The following LVRN variants were observed in gnomAD, a reference collection of about 807,000 sequenced individuals.
LVRN encodes the protein aminopeptidase Q.
A neutral mutation model predicts 111.4 loss-of-function variants in LVRN; 99 were observed. That is an observed-to-expected ratio of 0.89 (90% CI 0.76 to 1.05). LVRN has a LOEUF of 1.05. LVRN is among the 50% of genes least tolerant of loss of function. The probability of loss-of-function intolerance (pLI) is 0.00; values close to 1 mark genes in which losing one functional copy is unlikely to be tolerated. For missense variants in LVRN, 1,414 were observed against 1,206.8 expected (o/e 1.17, Z -2.54); for synonymous variants, 488 against 449.5 (o/e 1.09, Z -1.08).
chr5:116,001,947 C>A (rs1180041721), intron 10 of LVRN, among the ~76,000 whole-genome samples: 1 of 152,184 alleles, frequency 6.6e-6, no homozygotes, highest in East Asian at 1.9e-4. Flanking sequence ...TCTTCCCTTT[C>A]TTAATCTATT....
chr5:116,022,973 A>G (rs964755522), intron 19 of LVRN, among the ~76,000 whole-genome samples: 3 of 152,162 alleles, frequency 2.0e-5, no homozygotes, highest in Admixed American at 2.0e-4. Context: ...ACCACTTACA[A>G]ATTTTCTTGA....
intron 3 of LVRN, among the ~76,000 whole-genome samples, chr5:115,986,228 G>A (rs1747861835): frequency 6.6e-6 from 1 of 152,074 alleles, no homozygotes; most frequent in Admixed American, 6.6e-5. Context: ...ATATAACACT[G>A]GCCAAGTTAA....
At chr5:115,988,032 T>A in intron 4 of LVRN, 93 bp downstream of exon 4, 2 of 1,467,722 alleles carry the variant, frequency 1.4e-6, no homozygotes, top group Non-Finnish European at 1.8e-6. Flanking sequence ...CCATAAGGAT[T>A]CACCATCACC....
At position 116,000,306 on chromosome 5, in the gene LVRN, C is replaced by A. The variant is rs111285190; in HGVS notation, c.1516-127C>A. ...TTTGTTAGCACATTCCAAAATAATT[C>A]AAACATTCAACTAAAATGCAAAATG... On this transcript the variant is annotated intron_variant, in intron 7 of 19. Coordinates refer to ENST00000357872, the MANE Select transcript of LVRN (RefSeq NM_173800.5). 2.8e-5 allele frequency: 37 copies of A among 1,309,248 alleles called. No individual in the cohort carries two copies. In the African/African-American group the frequency reaches 3.2e-4, roughly 11 times the overall value. The allele number at this position is 1,309,248 out of a possible 1,614,324, so 81.1% of individuals were successfully genotyped here.
At chr5:116,022,535 C>T in intron 19 of LVRN, 69 bp downstream of exon 19, 1 of 1,057,272 alleles carries the variant, frequency 9.5e-7, no homozygotes, top group Non-Finnish European at 1.4e-6. Flanking sequence ...TTTGGACTTG[C>T]TAAAATTAAA....
Position 116,022,054 on chromosome 5 carries a change from T to A in LVRN, c.2757-337T>A, listed in dbSNP as rs1334487229. On this transcript the variant is annotated intron_variant, in intron 18 of 19. Transcript: ENST00000357872. ...ATGAACTACTGTTTTTTAAGGGGCATAATTTATATATTTATTTATTCCCTT... is the reference window on the plus strand; with the variant it reads ...ATGAACTACTGTTTTTTAAGGGGCAAAATTTATATATTTATTTATTCCCTT... 6 of 224,148 alleles carry A rather than the reference T, an allele frequency of 2.7e-5. 1 individual carries two copies. The highest frequency in any genetic ancestry group is 1.7e-3 in the Middle Eastern group (1 of 594). The allele number at this position is 224,148 out of a possible 1,614,324, so 13.9% of individuals were successfully genotyped here.
Position 116,012,482 on chromosome 5 carries a change from C to T in LVRN, c.2342+14C>T, listed in dbSNP as rs763316874. Reference sequence around the variant, plus strand: ...CTACTTAGCTCTGTAAGTATGTTTTCAGAAGTGATAATTGAATAAAATGCA... The same window carrying T: ...CTACTTAGCTCTGTAAGTATGTTTTTAGAAGTGATAATTGAATAAAATGCA... On this transcript the variant is annotated intron_variant, in intron 15 of 19. Coordinates refer to ENST00000357872, the MANE Select transcript of LVRN (RefSeq NM_173800.5). 6.9e-7 allele frequency: 1 copy of T among 1,443,128 alleles called. No homozygotes were observed. The highest frequency in any genetic ancestry group is 2.2e-5 in the Admixed American group (1 of 45,962). The allele number at this position is 1,443,128 out of a possible 1,614,324, so 89.4% of individuals were successfully genotyped here.
intron 1 of LVRN, among the ~76,000 whole-genome samples, chr5:115,981,433 T>C (rs1207457375): frequency 6.6e-6 from 1 of 152,136 alleles, no homozygotes; most frequent in Admixed American, 6.6e-5. Flanking sequence ...TAGAACACTT[T>C]TTTTCAATTT....
chr5:115,982,544 T>C (rs564635937), intron 1 of LVRN, among the ~76,000 whole-genome samples: 2 of 152,114 alleles, frequency 1.3e-5, no homozygotes, highest in Admixed American at 1.3e-4. Flanking sequence ...GAGAAGAAAG[T>C]TGTTTGCTGG....
intron 12 of LVRN, 32 bp downstream of exon 12, chr5:116,003,412 A>G: frequency 7.9e-7 from 1 of 1,269,118 alleles, no homozygotes; most frequent in Non-Finnish European, 1.1e-6. Flanking sequence ...TTAATTAAAT[A>G]TAATTTATAA....
rs181553311 is a variant in LVRN, at chr5:115,981,861, T to C, written c.696-1426T>C. On this transcript the variant is annotated intron_variant, in intron 1 of 19. Coordinates refer to ENST00000357872, the MANE Select transcript of LVRN (RefSeq NM_173800.5). ...ATGATTTGTGAGATCGGAAGGGATA[T>C]AGGAGAATTCAAAGGTGATTTATTG... Among the ~76,000 whole-genome samples the C allele has an allele frequency of 2.4e-3, 366 of 152,244 alleles. 3 individuals are homozygous for C. The highest frequency in any genetic ancestry group is 7.9e-3 in the African/African-American group (328 of 41,554).
chr5:116,002,511 C>G (rs1286998096), intron 10 of LVRN, among the ~76,000 whole-genome samples: 3 of 152,226 alleles, frequency 2.0e-5, no homozygotes, highest in African/African-American at 4.8e-5. Context: ...AGCATTTGAA[C>G]TACCCTTGAG....
At chr5:116,010,498 G>A (rs771596400) in intron 13 of LVRN, 8 of 554,886 alleles carry the variant, frequency 1.4e-5, no homozygotes, top group Admixed American at 2.2e-5. Flanking sequence ...CCAACATTTG[G>A]CCTGAATTTT....
At chr5:116,020,782 A>C (rs1290990957) in intron 18 of LVRN, among the ~76,000 whole-genome samples, 1 of 152,202 alleles carries the variant, frequency 6.6e-6, no homozygotes, top group East Asian at 1.9e-4. Context: ...GGCAGAGGAC[A>C]TGAAGGGAGG....
Position 116,026,362 on chromosome 5 carries a change from C to T in LVRN, c.*244C>T. 2.0e-6 allele frequency: 1 copy of T among 493,164 alleles called. No individual in the cohort carries two copies. The highest frequency in any genetic ancestry group is 3.6e-6 in the Non-Finnish European group (1 of 278,064). 30.5% of individuals were successfully genotyped at this position (493,164 alleles called of 1,614,324 possible). ...TGTCACTTCATGTTGGGTTATAATC[C>T]CACAGAATTTACTTTAAATGTCACG... On this transcript the variant is annotated 3_prime_UTR_variant, in exon 20 of 20. Transcript: ENST00000357872.
intron 1 of LVRN, among the ~76,000 whole-genome samples, chr5:115,971,989 T>A (rs995593545): frequency 9.9e-5 from 15 of 152,222 alleles, no homozygotes; most frequent in African/African-American, 3.6e-4. Flanking sequence ...TAGGTCTTCT[T>A]TACTCAGTTT....
At chr5:116,012,034 T>C (rs1185444251) in intron 14 of LVRN, among the ~76,000 whole-genome samples, 1 of 152,136 alleles carries the variant, frequency 6.6e-6, no homozygotes, top group Non-Finnish European at 1.5e-5. Context: ...TGAACATAAC[T>C]GGAAATGTAT....
intron 19 of LVRN, among the ~76,000 whole-genome samples, chr5:116,025,174 G>A (rs1293670654): frequency 6.6e-6 from 1 of 152,114 alleles, no homozygotes; most frequent in Non-Finnish European, 1.5e-5. Context: ...AAAGAGTGGG[G>A]GAGGATTGTT....
intron 6 of LVRN, 76 bp from the exon 7 acceptor site, chr5:115,999,686 A>G: frequency 6.7e-7 from 1 of 1,493,860 alleles, no homozygotes; most frequent in Non-Finnish European, 9.1e-7. Flanking sequence ...AGTTTTTGAA[A>G]GTATTTTAGG....
Sources: allele counts gnomAD v4.1 joint callset (sites outside exome capture counted in the v4.1 genomes callset), GRCh38; gene constraint gnomAD v4.1.1; transcripts MANE v1.5; gene names NCBI Gene and HGNC (gene_info 2026-07-23, HGNC 2026-07-21).